The following TRAF3IP3 variants were observed in gnomAD, a reference collection of about 807,000 sequenced individuals.
TRAF3IP3 encodes TRAF3 interacting protein 3.
Under a neutral mutation model 86.5 loss-of-function variants are expected in TRAF3IP3, and 64 were observed. That is an observed-to-expected ratio of 0.74 (90% CI 0.60 to 0.91). The LOEUF (loss-of-function observed/expected upper bound fraction) is 0.91, where lower values mean the gene tolerates loss of function less well. TRAF3IP3 is among the 40% of genes least tolerant of loss of function. The pLI is 0.00. For missense variants in TRAF3IP3, 579 were observed against 642.9 expected (o/e 0.90, Z 1.07); for synonymous variants, 220 against 243.9 (o/e 0.90, Z 0.91).
At chr1:209,762,962 G>A (rs2077273331) in intron 5 of TRAF3IP3, 92 bp downstream of exon 5, 1 of 1,600,974 alleles carries the variant, frequency 6.2e-7, no homozygotes, top group Non-Finnish European at 8.6e-7. Flanking sequence ...TTAAGAAAGA[G>A]GAAGCCCTTC....
chr1:209,757,161 C>T (rs545378471), intron 1 of TRAF3IP3, among the ~76,000 whole-genome samples: 1 of 152,246 alleles, frequency 6.6e-6, no homozygotes, highest in Non-Finnish European at 1.5e-5. Flanking sequence ...TCTGGGAACA[C>T]TCCCCTCTCT....
At chr1:209,773,129 C>A in intron 9 of TRAF3IP3, 110 bp downstream of exon 9, 2 of 924,686 alleles carry the variant, frequency 2.2e-6, no homozygotes, top group Non-Finnish European at 1.6e-6. Flanking sequence ...GAGAATAACA[C>A]ACCCATTCCT....
At chr1:209,777,290 G>GCC in intron 11 of TRAF3IP3, 62 bp from the exon 12 acceptor site, 1 of 1,433,722 alleles carries the variant, frequency 7.0e-7, no homozygotes, top group South Asian at 1.4e-5. Context: ...CATGGTACCC[G>GCC]CCCCCCAACC....
intron 2 of TRAF3IP3, among the ~76,000 whole-genome samples, chr1:209,759,701 T>A (rs1271344574): frequency 6.6e-6 from 1 of 152,212 alleles, no homozygotes; most frequent in Non-Finnish European, 1.5e-5. Context: ...CATGGTAAGA[T>A]GTTCAGTCAA....
At chr1:209,778,380 T>TGG in intron 13 of TRAF3IP3, 1 of 495,540 alleles carries the variant, frequency 2.0e-6, no homozygotes, top group African/African-American at 2.0e-5. Context: ...TTTCTACTGT[T>TGG]CTCCTTCCAT....
chr1:209,757,641 G>A (rs1169057389), intron 1 of TRAF3IP3, among the ~76,000 whole-genome samples: 1 of 152,198 alleles, frequency 6.6e-6, no homozygotes, highest in Non-Finnish European at 1.5e-5. Flanking sequence ...AGAGGGTTGA[G>A]AGGATGAGAG....
rs908460446 is a variant in TRAF3IP3 at position 209,760,416 on chromosome 1, G to A, written c.345+32G>A. The A allele has an allele frequency of 5.9e-6, 9 of 1,517,874 alleles. No homozygotes were observed. In the African/African-American group the frequency reaches 1.1e-4, roughly 19 times the overall value. The allele number at this position is 1,517,874 out of a possible 1,614,324, so 94.0% of individuals were successfully genotyped here. ...CGTGTCAAGGGACATACTGCTGTGT[G>A]CTCTGGGACCCTCTCTGGACAAGGA... On this transcript the variant is annotated intron_variant, in intron 3 of 16. Transcript: ENST00000367025.
chr1:209,771,874 T>C (rs369067106), intron 8 of TRAF3IP3, among the ~76,000 whole-genome samples: 1 of 109,378 alleles, frequency 9.1e-6, no homozygotes, highest in Non-Finnish European at 2.0e-5. Flanking sequence ...TACGTGTGCA[T>C]GTGGAGGTGT....
intron 8 of TRAF3IP3, among the ~76,000 whole-genome samples, chr1:209,770,801 A>T (rs137879384): frequency 2.7e-4 from 24 of 89,792 alleles, no homozygotes; most frequent in Non-Finnish European, 4.3e-4. Flanking sequence ...GTGCATATGG[A>T]GGTGTGTGTG....
intron 8 of TRAF3IP3, chr1:209,768,331 G>A: frequency 1.0e-6 from 1 of 985,404 alleles, no homozygotes; most frequent in Non-Finnish European, 1.2e-6. Flanking sequence ...GGATACCATA[G>A]GCTCTGGGGC....
chr1:209,769,081 G>C (rs1377070685), intron 8 of TRAF3IP3, among the ~76,000 whole-genome samples: 1 of 152,200 alleles, frequency 6.6e-6, no homozygotes, highest in Non-Finnish European at 1.5e-5. Flanking sequence ...ACTATGGAAT[G>C]GGGAGAGAGG....
At chr1:209,758,045 G>C (rs2077183408) in intron 1 of TRAF3IP3, among the ~76,000 whole-genome samples, 1 of 152,200 alleles carries the variant, frequency 6.6e-6, no homozygotes, top group Admixed American at 6.5e-5. Context: ...AGAATAGCCA[G>C]GGGCTGTGGC....
In TRAF3IP3 at chr1:209,775,365, G is replaced by T. The variant is rs748858980; in HGVS notation, c.791G>T (p.Gly264Val). 2.5e-6 allele frequency: 4 copies of T among 1,613,004 alleles called. No homozygotes were observed. Among genetic ancestry groups the T allele is most frequent in the Non-Finnish European group, 2.5e-6 (3 of 1,179,382 alleles). Residue 264 changes from glycine to valine, a missense_variant, in exon 10 of 17, where the codon GGA becomes GTA. Physicochemically the swap from Gly to Val is moderately radical, Grantham distance 109 (BLOSUM62 -3). Transcript: ENST00000367025. Reference protein sequence around the residue: ...YTCTQKYSPWGMKKVLLEMED... With the variant: ...YTCTQKYSPWVMKKVLLEMED... The stretch of plus-strand genomic sequence containing the variant: ...AATTTACAGAAATACTCCCCTTGGG[G>T]AATGAAAAAAGTACTACTGGAGATG...
intron 1 of TRAF3IP3, 173 bp from the exon 2 acceptor site, chr1:209,758,861 G>A (rs1466517780): frequency 6.5e-6 from 1 of 152,736 alleles, no homozygotes; most frequent in East Asian, 1.9e-4. Flanking sequence ...GAAGGTAGGT[G>A]GGGAAGAGTA....
At chr1:209,757,242 G>A (rs888817598) in intron 1 of TRAF3IP3, among the ~76,000 whole-genome samples, 11 of 152,228 alleles carry the variant, frequency 7.2e-5, no homozygotes, top group Non-Finnish European at 1.0e-4. Flanking sequence ...GAAGCAGAGA[G>A]CAGAGCAGCT....
At chr1:209,770,442 GGTGGAGGTATGTGTGTGCAT>G (rs2077446349) in intron 8 of TRAF3IP3, among the ~76,000 whole-genome samples, 3 of 137,828 alleles carry the variant, frequency 2.2e-5, no homozygotes, top group East Asian at 2.2e-4. Context: ...TGTGTGTGCA[GGTGGAGGTATGTGTGTGCAT>G]GTGGAGGTGT....
Position 209,760,343 on chromosome 1 carries a change from C to A in TRAF3IP3, c.304C>A (p.Pro102Thr). 1.2e-6 allele frequency: 2 copies of A among 1,612,198 alleles called. No individual in the cohort carries two copies. Among genetic ancestry groups the A allele is most frequent in the Non-Finnish European group, 1.7e-6 (2 of 1,179,184 alleles). Reference protein sequence around the residue: ...RPGQVTVLKEPLSCARRISSP... With the variant: ...RPGQVTVLKETLSCARRISSP... ...AGGACAGGTGACTGTCCTCAAGGAA[C>A]CCTTGTCTTGTGCCAGAAGGATTTC... The change falls in exon 3 of 17, where the codon CCC becomes ACC. Residue 102 changes from proline to threonine, a missense_variant. Transcript: ENST00000367025.
At chr1:209,765,240 AGG>A (rs34539375) in intron 8 of TRAF3IP3, among the ~76,000 whole-genome samples, 12,957 of 121,146 alleles carry the variant, frequency 0.11, 1,194 homozygotes, top group Non-Finnish European at 0.12. Context: ...GAAGGAAGGA[AGG>A]AAGGAAGGAA....
At chr1:209,768,615 G>C in intron 8 of TRAF3IP3, 8 of 985,886 alleles carry the variant, frequency 8.1e-6, no homozygotes, top group Non-Finnish European at 9.6e-6. Context: ...AGAGGCAGGG[G>C]AAAACCACGC....
Sources: gnomAD v4.1 joint callset for allele counts (sites outside exome capture counted in the v4.1 genomes callset) on GRCh38, gnomAD v4.1.1 for gene constraint, MANE v1.5 for transcripts, NCBI Gene and HGNC (gene_info 2026-07-23, HGNC 2026-07-21) for gene names.